Variants in EPN1 observed in about 807,000 individuals in gnomAD.
EPN1 encodes epsin-1.
Under a neutral mutation model 56.9 loss-of-function variants are expected in EPN1, and 25 were observed. That is an observed-to-expected ratio of 0.44 (90% CI 0.32 to 0.61). The LOEUF is 0.61. EPN1 is among the 20% of genes least tolerant of loss of function. The pLI is 0.05. For synonymous variants in EPN1, 411 were observed against 361.8 expected (o/e 1.14, Z -1.54); for missense variants, 785 against 823.7 (o/e 0.95, Z 0.58).
Position 55,694,771 on chromosome 19 carries a change from G to A in EPN1, c.1310G>A (p.Gly437Glu), listed in dbSNP as rs11545669. 4.4e-6 allele frequency: 7 copies of A among 1,604,222 alleles called. No homozygotes were observed. The highest frequency in any genetic ancestry group is 1.3e-5 in the African/African-American group (1 of 74,876). ...GGAGAGGTGCCGGCCCGAAGCCCTG[G>A]GGCGTTTGACATGAGTGGGGTCAGG... Reference protein sequence around the residue: ...LAGEVPARSPGAFDMSGVRGS... With the variant: ...LAGEVPARSPEAFDMSGVRGS... The change falls in exon 10 of 11, where the codon GGG (glycine) becomes GAG (glutamate). Residue 437 changes from glycine (G) to glutamate (E), a missense_variant. By Grantham distance (98) the Gly-to-Glu change is moderately conservative. Transcript: ENST00000270460. The surrounding 1 kb of genome is among the most constrained non-coding windows in gnomAD (Gnocchi z 4.2).
At chr19:55,688,848 G>C (rs756339147) in intron 3 of EPN1, 22 bp from the exon 4 acceptor site, 5 of 1,568,890 alleles carry the variant, frequency 3.2e-6, no homozygotes, top group Middle Eastern at 3.3e-4. Flanking sequence ...TGGGTCTCAC[G>C]CGTTTCTCAC....
At chr19:55,676,403 C>T (rs1985428250) in intron 1 of EPN1, among the ~76,000 whole-genome samples, 1 of 152,194 alleles carries the variant, frequency 6.6e-6, no homozygotes, top group South Asian at 2.1e-4. Context: ...TCTGAGAAAT[C>T]TCAGCTTTGA....
Position 55,689,834 on chromosome 19 carries a change from C to G in EPN1, c.679-33C>G. On this transcript the variant is annotated intron_variant, in intron 5 of 10. Transcript: ENST00000270460. This position sits in a 1 kb window ranked among gnomAD's most constrained non-coding sequence, Gnocchi z 5.7. ...GGCATCTGCCCGTGGCTCACGTTCT[C>G]ATGTCTCCCTGGTCGTGCCCGTGCC... 6.4e-7 allele frequency: 1 copy of G among 1,574,230 alleles called. No individual in the cohort carries two copies. Among genetic ancestry groups the G allele is most frequent in the Non-Finnish European group, 8.6e-7 (1 of 1,160,044 alleles).
At chr19:55,675,612 C>T (rs1985345269) in intron 1 of EPN1, among the ~76,000 whole-genome samples, 177 bp downstream of exon 1, 1 of 152,182 alleles carries the variant, frequency 6.6e-6, no homozygotes, top group African/African-American at 2.4e-5. Context: ...GTCTGTCTCT[C>T]TCGTGTCTGT....
intron 2 of EPN1, among the ~76,000 whole-genome samples, chr19:55,679,737 AG>A (rs1436161152): frequency 6.6e-6 from 1 of 152,208 alleles, no homozygotes; most frequent in Non-Finnish European, 1.5e-5. Flanking sequence ...ACATGGGAGC[AG>A]GGGTTGAGGC....
intron 2 of EPN1, 135 bp from the exon 3 acceptor site, chr19:55,685,261 G>T: frequency 9.2e-7 from 1 of 1,085,040 alleles, no homozygotes; most frequent in Non-Finnish European, 1.3e-6. Context: ...GGGGACAGAT[G>T]TGTGTCCACC....
At position 55,695,472 on chromosome 19, in the gene EPN1, C is replaced by T. The variant is rs1034435589; in HGVS notation, c.*116C>T. ...CCCCACCCCCAGTGCCCTTCCCCTTCCTGGGGCCCACTCACACTACACCCT... is the reference window on the plus strand; with the variant it reads ...CCCCACCCCCAGTGCCCTTCCCCTTTCTGGGGCCCACTCACACTACACCCT... On this transcript the variant is annotated 3_prime_UTR_variant, in exon 11 of 11. Coordinates refer to ENST00000270460, the MANE Select transcript of EPN1 (RefSeq NM_001130072.2). This position sits in a 1 kb window ranked among gnomAD's most constrained non-coding sequence, Gnocchi z 4.4. 1 of 628,926 alleles carries T rather than the reference C, an allele frequency of 1.6e-6. No homozygotes were observed. The highest frequency in any genetic ancestry group is 2.8e-6 in the Non-Finnish European group (1 of 360,388). 39.0% of individuals were successfully genotyped at this position (628,926 alleles called of 1,614,324 possible).
chr19:55,698,647 CT>C lies in EPN1; in HGVS notation c.*3298del, dbSNP rs528930502. 1.3e-5 allele frequency: 2 copies of C among 152,480 alleles called. No individual in the cohort carries two copies. The highest frequency in any genetic ancestry group is 2.1e-4 in the South Asian group (1 of 4,838). The allele number at this position is 152,480 out of a possible 1,614,324, so 9.4% of individuals were successfully genotyped here. ...TCAGGGCTTTCAGTCCTGCCTTGATCTTTTTTTATACTGAAACTCAATTTTA... is the reference window on the plus strand; with the variant it reads ...TCAGGGCTTTCAGTCCTGCCTTGATCTTTTTTATACTGAAACTCAATTTTA... On this transcript the variant is annotated 3_prime_UTR_variant, in exon 11 of 11. Coordinates refer to ENST00000270460, the MANE Select transcript of EPN1 (RefSeq NM_001130072.2).
At chr19:55,693,303 C>G in intron 9 of EPN1, 2 of 452,980 alleles carry the variant, frequency 4.4e-6, no homozygotes, top group Non-Finnish European at 8.0e-6. Context: ...TGACCCGTCT[C>G]TGCCTCCACG....
chr19:55,709,156 A>G lies in EPN1; in HGVS notation c.*13800A>G. On this transcript the variant is annotated 3_prime_UTR_variant, in exon 11 of 11. Coordinates refer to ENST00000270460, the MANE Select transcript of EPN1 (RefSeq NM_001130072.2). ...TCCTCTTTATTCTTTCCTAGAAATC[A>G]CTGGGAGAATTGTACTGAATTTGAA... 1.4e-6 allele frequency: 1 copy of G among 707,264 alleles called. No individual in the cohort carries two copies. Among genetic ancestry groups the G allele is most frequent in the Non-Finnish European group, 2.2e-6 (1 of 463,894 alleles). 43.8% of individuals were successfully genotyped at this position (707,264 alleles called of 1,614,324 possible).
rs1264665841 is a variant in EPN1, at chr19:55,699,185, C to CTCCT, written c.*3830_*3833dup. 6.6e-6 allele frequency: 1 copy of CTCCT among 152,158 alleles called. No individual in the cohort carries two copies. Among genetic ancestry groups the CTCCT allele is most frequent in the Non-Finnish European group, 1.5e-5 (1 of 68,064 alleles). The allele number at this position is 152,158 out of a possible 1,614,324, so 9.4% of individuals were successfully genotyped here. On this transcript the variant is annotated 3_prime_UTR_variant, in exon 11 of 11. Coordinates refer to ENST00000270460, the MANE Select transcript of EPN1 (RefSeq NM_001130072.2). The stretch of plus-strand genomic sequence containing the variant: ...AACTCGTCATTTACATTAGGTATAT[C>CTCCT]TCCTAATGCCTTCCCTCCCGCCTCC...
chr19:55,692,644 G>A, intron 7 of EPN1, 42 bp from the exon 8 acceptor site: 1 of 1,365,566 alleles, frequency 7.3e-7, no homozygotes, highest in Non-Finnish European at 9.9e-7. Context: ...CATCTGGGCA[G>A]TCAAGGTTGC....
In EPN1 at chr19:55,691,120, C is replaced by T. The variant is rs1162484354; in HGVS notation, c.763-634C>T. 6.6e-6 allele frequency among the ~76,000 whole-genome samples: 1 copy of T among 152,196 alleles called. No homozygotes were observed. Among genetic ancestry groups the T allele is most frequent in the Non-Finnish European group, 1.5e-5 (1 of 68,030 alleles). On this transcript the variant is annotated intron_variant, in intron 6 of 10. Transcript: ENST00000270460. This position sits in a 1 kb window ranked among gnomAD's most constrained non-coding sequence, Gnocchi z 5.6. ...GCCCGTCGTGTGCCCACTTCCAGAA[C>T]ACAGGACCATGCATGCGTGTGCGTG...
At position 55,691,932 on chromosome 19, in the gene EPN1, C is replaced by T. The variant is rs762737827; in HGVS notation, c.941C>T (p.Thr314Met). 49 of 1,550,976 alleles carry T rather than the reference C, an allele frequency of 3.2e-5. No homozygotes were observed. Among genetic ancestry groups the T allele is most frequent in the Admixed American group, 1.5e-4 (8 of 52,388 alleles). ...GATCCCTGGGGAGGTCCAGCCCCCA[C>T]GCCGGCCTCTGGGGACCCCTGGAGG... ...AADPWGGPAP[T>M]PASGDPWRPA... Residue 314 changes from threonine to methionine, a missense_variant, in exon 7 of 11, where the codon ACG becomes ATG. Thr to Met is a moderately conservative substitution (Grantham distance 81). Transcript: ENST00000270460. The surrounding 1 kb of genome is among the most constrained non-coding windows in gnomAD (Gnocchi z 5.6).
Position 55,689,789 on chromosome 19 carries a change from TG to T in EPN1, c.679-74del. On this transcript the variant is annotated intron_variant, in intron 5 of 10. Coordinates refer to ENST00000270460, the MANE Select transcript of EPN1 (RefSeq NM_001130072.2). This position sits in a 1 kb window ranked among gnomAD's most constrained non-coding sequence, Gnocchi z 5.7. ...CTTTCGTTGGGGTGGGAGGGGTTGC[TG>T]GGGCTTCCAGGCTGAGGTGGCATCT... 2 of 1,382,352 alleles carry T rather than the reference TG, an allele frequency of 1.4e-6. No individual in the cohort carries two copies. The highest frequency in any genetic ancestry group is 2.0e-6 in the Non-Finnish European group (2 of 995,458). 85.6% of individuals were successfully genotyped at this position (1,382,352 alleles called of 1,614,324 possible).
Position 55,689,811 on chromosome 19 carries a change from C to T in EPN1, c.679-56C>T. On this transcript the variant is annotated intron_variant, in intron 5 of 10. Coordinates refer to ENST00000270460, the MANE Select transcript of EPN1 (RefSeq NM_001130072.2). This position sits in a 1 kb window ranked among gnomAD's most constrained non-coding sequence, Gnocchi z 5.7. ...TGCTGGGGCTTCCAGGCTGAGGTGG[C>T]ATCTGCCCGTGGCTCACGTTCTCAT... is the stretch of plus-strand genomic sequence containing the variant. 6.6e-7 allele frequency: 1 copy of T among 1,511,780 alleles called. No individual in the cohort carries two copies. 93.6% of individuals were successfully genotyped at this position (1,511,780 alleles called of 1,614,324 possible).
At position 55,708,240 on chromosome 19, in the gene EPN1, TTA is replaced by T. The variant is rs1987524286; in HGVS notation, c.*12886_*12887del. The T allele has an allele frequency of 6.6e-6, 1 of 152,234 alleles. No homozygotes were observed. Among genetic ancestry groups the T allele is most frequent in the Non-Finnish European group, 1.5e-5 (1 of 68,038 alleles). The allele number at this position is 152,234 out of a possible 1,614,324, so 9.4% of individuals were successfully genotyped here. ...ATCCAATTTCTGCATCATCTTGCTT[TTA>T]TGTTTTGTAATAAAAATTTTAGACC... is the stretch of plus-strand genomic sequence containing the variant. On this transcript the variant is annotated 3_prime_UTR_variant, in exon 11 of 11. Transcript: ENST00000270460.
Position 55,695,292 on chromosome 19 carries a change from C to G in EPN1, c.1667C>G (p.Pro556Arg), listed in dbSNP as rs1301629338. 1.9e-6 allele frequency: 3 copies of G among 1,581,070 alleles called. No individual in the cohort carries two copies. The highest frequency in any genetic ancestry group is 2.4e-5 in the East Asian group (1 of 42,494). ...TACATCTCTCCCCTTGGCGGGGGCC[C>G]TGGCCTGCCCCCCATGATGCCCCCG... is the stretch of plus-strand genomic sequence containing the variant. ...PTYISPLGGG[P>R]GLPPMMPPGP... Residue 556 changes from proline (P) to arginine (R), a missense_variant, in exon 11 of 11, where the codon CCT becomes CGT. By Grantham distance (103) the Pro-to-Arg change is moderately radical (BLOSUM62 -2). Around this residue, in one of 2 missense-constraint regions of EPN1, gnomAD observed 650 missense variants for 605.0 expected, o/e 1.07. Coordinates refer to ENST00000270460, the MANE Select transcript of EPN1 (RefSeq NM_001130072.2). This position sits in a 1 kb window ranked among gnomAD's most constrained non-coding sequence, Gnocchi z 4.4.
At chr19:55,676,441 G>A (rs1171458467) in intron 1 of EPN1, among the ~76,000 whole-genome samples, 2 of 152,118 alleles carry the variant, frequency 1.3e-5, no homozygotes, top group Non-Finnish European at 2.9e-5. Context: ...TTTTTCTAAT[G>A]CACGCCAAAT....
Sources: gnomAD v4.1 joint callset for allele counts (sites outside exome capture counted in the v4.1 genomes callset) on GRCh38, gnomAD v4.1.1 for gene constraint, gnomAD v4.1.1 regional missense constraint, Gnocchi (gnomAD v3.1) non-coding constraint, MANE v1.5 for transcripts, NCBI Gene and HGNC (gene_info 2026-07-23, HGNC 2026-07-21) for gene names.